Variants in TAFA2 observed in about 807,000 individuals in gnomAD.
TAFA2 encodes TAFA chemokine like family member 2.
Under a neutral mutation model 18.8 loss-of-function variants are expected in TAFA2, and 7 were observed. The observed-to-expected ratio is 0.37, with a 90% CI of 0.21 to 0.70. The LOEUF is 0.70. Ranked by LOEUF, TAFA2 falls within the 30% of genes least tolerant of loss-of-function variation. The probability of loss-of-function intolerance (pLI) is 0.53; values close to 1 mark genes in which losing one functional copy is unlikely to be tolerated. For missense variants in TAFA2, 122 were observed against 158.1 expected (o/e 0.77, Z 1.23); for synonymous variants, 60 against 54.2 (o/e 1.11, Z -0.47).
At position 62,205,203 on chromosome 12, in the gene TAFA2, C is replaced by T. The variant is rs564400330; in HGVS notation, c.-130+53560G>A. ...AGCAAAGATGGCTGCCTGCTCCTTC[C>T]TCTGGAAGTTCTGTCCCAGAGGGGC... On this transcript the variant is annotated intron_variant, in intron 1 of 5. Transcript: ENST00000551619. 5.3e-5 allele frequency among the ~76,000 whole-genome samples: 8 copies of T among 152,342 alleles called. No homozygotes were observed. In the East Asian group the frequency reaches 1.4e-3, roughly 26 times the overall value.
intron 1 of TAFA2, among the ~76,000 whole-genome samples, chr12:62,036,706 A>G (rs1881621083): frequency 6.6e-6 from 1 of 152,278 alleles, no homozygotes; most frequent in African/African-American, 2.4e-5. Context: ...CAATGATTAT[A>G]TACATATATT....
chr12:61,906,064 T>C (rs1402350507), intron 1 of TAFA2, among the ~76,000 whole-genome samples: 2 of 152,194 alleles, frequency 1.3e-5, no homozygotes, highest in Non-Finnish European at 2.9e-5. Context: ...CCTTAATGGA[T>C]TGTCAAGAAA....
At chr12:61,914,898 C>T (rs1323630420) in intron 1 of TAFA2, among the ~76,000 whole-genome samples, 6 of 152,148 alleles carry the variant, frequency 3.9e-5, no homozygotes, top group Admixed American at 2.0e-4. Flanking sequence ...CACAGTGGCT[C>T]CTGCCTGTAA....
chr12:62,259,137 G>C (rs2062965313), upstream of TAFA2: 1 of 152,292 alleles, frequency 6.6e-6, no homozygotes, highest in African/African-American at 2.4e-5. Context: ...CACCAAATGA[G>C]TTAGGGTTTA....
chr12:62,254,552 C>T (rs1194702410), intron 1 of TAFA2, among the ~76,000 whole-genome samples: 10 of 152,064 alleles, frequency 6.6e-5, no homozygotes. Context: ...TACACAGAAG[C>T]CTTGGGCCAC....
chr12:61,843,073 TA>T lies in TAFA2; in HGVS notation c.106+24246del, dbSNP rs541310641. On this transcript the variant is annotated intron_variant, in intron 2 of 4. Coordinates refer to ENST00000416284, the MANE Select transcript of TAFA2 (RefSeq NM_178539.5). ...TGGAGAGAGAGACTAAGGGAATAGC[TA>T]CCTTGGGTCTCAGAAAATGTTCAGT... Among the ~76,000 whole-genome samples, 323 of 152,142 alleles carry T rather than the reference TA, an allele frequency of 2.1e-3. 3 individuals are homozygous for T. Among genetic ancestry groups the T allele is most frequent in the African/African-American group, 7.2e-3 (299 of 41,544 alleles).
chr12:61,741,097 A>G (rs1444395871), intron 4 of TAFA2, among the ~76,000 whole-genome samples: 1 of 152,136 alleles, frequency 6.6e-6, no homozygotes, highest in Admixed American at 6.6e-5. Context: ...AAATTTTTAA[A>G]GTGTTTTATC....
At chr12:62,215,592 C>G (rs1296553504) in intron 1 of TAFA2, among the ~76,000 whole-genome samples, 1 of 128,708 alleles carries the variant, frequency 7.8e-6, no homozygotes, top group African/African-American at 2.9e-5. Flanking sequence ...GGCGGAAGAA[C>G]TTGTTTCTCT....
At chr12:62,210,925 G>GC (rs1467032214) in intron 1 of TAFA2, among the ~76,000 whole-genome samples, 6 of 149,810 alleles carry the variant, frequency 4.0e-5, no homozygotes, top group South Asian at 2.1e-4. Context: ...TACACCCCCC[G>GC]CCCCCCAAAA....
chr12:61,898,868 C>T (rs1164180533), intron 1 of TAFA2, among the ~76,000 whole-genome samples: 1 of 152,208 alleles, frequency 6.6e-6, no homozygotes, highest in Non-Finnish European at 1.5e-5. Flanking sequence ...CATCATCAGG[C>T]TGCAACTTTT....
At chr12:62,143,792 T>C (rs1238864216) in intron 1 of TAFA2, among the ~76,000 whole-genome samples, 1 of 152,002 alleles carries the variant, frequency 6.6e-6, no homozygotes, top group Non-Finnish European at 1.5e-5. Flanking sequence ...TCTGTAATTC[T>C]AGCACTTTGG....
chr12:61,871,189 C>G (rs1328771158), intron 1 of TAFA2, among the ~76,000 whole-genome samples: 1 of 152,104 alleles, frequency 6.6e-6, no homozygotes, highest in Non-Finnish European at 1.5e-5. Flanking sequence ...GTGTTTTATT[C>G]TGATTTTTAA....
At chr12:62,196,116 C>A (rs2062648148), upstream of TAFA2, among the ~76,000 whole-genome samples, 2 of 152,174 alleles carry the variant, frequency 1.3e-5, no homozygotes, top group African/African-American at 4.8e-5. Flanking sequence ...TCTCATGAAC[C>A]AACCTCTGCT....
At chr12:62,102,675 T>A (rs555576607) in intron 1 of TAFA2, among the ~76,000 whole-genome samples, 2 of 152,296 alleles carry the variant, frequency 1.3e-5, no homozygotes, top group African/African-American at 4.8e-5. Flanking sequence ...CAGAGCTACC[T>A]CCTAAATCTG....
At chr12:62,148,029 G>A (rs1165908720) in intron 1 of TAFA2, among the ~76,000 whole-genome samples, 3 of 151,398 alleles carry the variant, frequency 2.0e-5, no homozygotes, top group Admixed American at 6.6e-5. Flanking sequence ...TCGAACGCCA[G>A]TCAGAATGGC....
At chr12:61,852,437 C>T (rs542915269) in intron 2 of TAFA2, among the ~76,000 whole-genome samples, 1 of 152,206 alleles carries the variant, frequency 6.6e-6, no homozygotes, top group South Asian at 2.1e-4. Flanking sequence ...CTTTCTGAAC[C>T]TTCAGAATTA....
chr12:62,121,188 C>T (rs561998207), intron 1 of TAFA2, among the ~76,000 whole-genome samples: 10 of 152,260 alleles, frequency 6.6e-5, no homozygotes, highest in African/African-American at 2.2e-4. Flanking sequence ...CTATGAATCC[C>T]TCTTGGGGTC....
chr12:61,785,902 CT>C (rs1320848969), intron 2 of TAFA2, among the ~76,000 whole-genome samples: 2 of 151,172 alleles, frequency 1.3e-5, no homozygotes, highest in Non-Finnish European at 3.0e-5. Context: ...CAGTATGAAA[CT>C]TAAAAAAAAT....
At chr12:62,061,990 A>G (rs1181817006) in intron 1 of TAFA2, among the ~76,000 whole-genome samples, 1 of 152,112 alleles carries the variant, frequency 6.6e-6, no homozygotes, top group Admixed American at 6.6e-5. Flanking sequence ...CCTGGCCAAC[A>G]TGGCAAAACC....
Sources: allele counts gnomAD v4.1 joint callset (sites outside exome capture counted in the v4.1 genomes callset), GRCh38; gene constraint gnomAD v4.1.1; transcripts MANE v1.5; gene names NCBI Gene and HGNC (gene_info 2026-07-23, HGNC 2026-07-21).